Variants in ITGA1 observed in about 807,000 individuals in gnomAD.
The protein encoded by ITGA1 is integrin subunit alpha 1.
Under a neutral mutation model 145.9 loss-of-function variants are expected in ITGA1, and 85 were observed. The ratio of observed to expected loss-of-function variants is 0.58; its 90% confidence interval spans 0.49 to 0.70. The LOEUF (loss-of-function observed/expected upper bound fraction) is 0.70, where lower values mean the gene tolerates loss of function less well. ITGA1 is among the 30% of genes least tolerant of loss of function. The pLI, the probability that ITGA1 is intolerant of heterozygous loss-of-function variation, is 0.00. For missense variants in ITGA1, 1,351 were observed against 1,418.7 expected (o/e 0.95, Z 0.77); for synonymous variants, 520 against 495.3 (o/e 1.05, Z -0.66).
intron 12 of ITGA1, among the ~76,000 whole-genome samples, chr5:52,907,934 T>G (rs1419494219): frequency 6.6e-6 from 1 of 152,236 alleles, no homozygotes; most frequent in Non-Finnish European, 1.5e-5. Flanking sequence ...CAGTGTCTTT[T>G]GCCCACATGC....
chr5:52,851,077 G>A (rs924241818), intron 2 of ITGA1, among the ~76,000 whole-genome samples: 2 of 152,162 alleles, frequency 1.3e-5, no homozygotes, highest in African/African-American at 4.8e-5. Flanking sequence ...TTTTAAAGAG[G>A]AGTATAGCAA....
chr5:52,801,613 T>C (rs1420002562), intron 1 of ITGA1: 1 of 1,613,770 alleles, frequency 6.2e-7, no homozygotes, highest in Non-Finnish European at 8.5e-7. Flanking sequence ...AATTGACACA[T>C]TGCTCATCAG....
At chr5:52,860,347 A>G (rs1366236896) in intron 2 of ITGA1, among the ~76,000 whole-genome samples, 1 of 152,150 alleles carries the variant, frequency 6.6e-6, no homozygotes, top group African/African-American at 2.4e-5. Context: ...AGAGACCGAG[A>G]CTATCCTGGC....
chr5:52,925,879 A>G (rs1198466455), intron 19 of ITGA1, among the ~76,000 whole-genome samples: 1 of 152,182 alleles, frequency 6.6e-6, no homozygotes, highest in African/African-American at 2.4e-5. Context: ...AAGATACCAT[A>G]TCTCCCTTTC....
intron 28 of ITGA1, among the ~76,000 whole-genome samples, chr5:52,951,910 G>A (rs934183852): frequency 2.0e-5 from 3 of 152,138 alleles, no homozygotes; most frequent in African/African-American, 7.2e-5. Flanking sequence ...ATGAAACCGC[G>A]GCCCGGCGCG....
At chr5:52,874,090 C>G (rs1449829851) in intron 6 of ITGA1, among the ~76,000 whole-genome samples, 1 of 151,230 alleles carries the variant, frequency 6.6e-6, no homozygotes, top group African/African-American at 2.4e-5. Context: ...GATTATTTAG[C>G]TCATGATTCT....
In ITGA1 at chr5:52,802,146, A is replaced by G. The variant is rs532128061; in HGVS notation, c.61+13732A>G. The G allele has an allele frequency of 4.0e-5, 10 of 250,672 alleles. No homozygotes were observed. The South Asian group carries it at 6.2e-4, about 15-fold the overall frequency. The allele number at this position is 250,672 out of a possible 1,614,324, so 15.5% of individuals were successfully genotyped here. A position where few individuals can be genotyped will look rare whatever the true frequency, so the allele number is the denominator to read the frequency against. On this transcript the variant is annotated intron_variant, in intron 1 of 28. Transcript: ENST00000282588. ...TATTTAAAGACGATGCCTATGCAGTATATTGTTTGGGATAGATTGCAAAAT... is the reference window on the plus strand; with the variant it reads ...TATTTAAAGACGATGCCTATGCAGTGTATTGTTTGGGATAGATTGCAAAAT...
chr5:52,933,846 A>C, intron 22 of ITGA1, 48 bp from the exon 23 acceptor site: 1 of 953,576 alleles, frequency 1.0e-6, no homozygotes, highest in Non-Finnish European at 1.6e-6. Flanking sequence ...GGCCAAATAA[A>C]AGTTAAACTT....
At chr5:52,934,585 T>A (rs1750938233) in intron 23 of ITGA1, among the ~76,000 whole-genome samples, 1 of 151,892 alleles carries the variant, frequency 6.6e-6, no homozygotes, top group African/African-American at 2.4e-5. Context: ...TCCTTTTAAA[T>A]CCTTCATAAC....
chr5:52,821,028 G>A (rs1748871588), intron 1 of ITGA1, among the ~76,000 whole-genome samples: 1 of 152,116 alleles, frequency 6.6e-6, no homozygotes, highest in South Asian at 2.1e-4. Context: ...GTGTGTGTAT[G>A]TGCATGTGTT....
chr5:52,931,829 G>A, intron 21 of ITGA1: 1 of 401,282 alleles, frequency 2.5e-6, no homozygotes. Flanking sequence ...CAGTGTGATT[G>A]TCAAGTCTAG....
intron 1 of ITGA1, among the ~76,000 whole-genome samples, chr5:52,813,737 C>G (rs188415658): frequency 1.3e-5 from 2 of 152,314 alleles, no homozygotes; most frequent in East Asian, 3.9e-4. Flanking sequence ...AGCAGGATAA[C>G]GGACTATTCT....
At chr5:52,847,074 C>T (rs1053181257) in intron 1 of ITGA1, among the ~76,000 whole-genome samples, 1 of 151,898 alleles carries the variant, frequency 6.6e-6, no homozygotes, top group Non-Finnish European at 1.5e-5. Context: ...TAGGAATTTT[C>T]CAATTTGGGG....
intron 14 of ITGA1, among the ~76,000 whole-genome samples, chr5:52,911,496 A>C (rs1374403535): frequency 1.1e-4 from 14 of 129,114 alleles, no homozygotes; most frequent in African/African-American, 2.5e-4. Context: ...TATAGTATAT[A>C]TAGTAGATAC....
At position 52,950,908 on chromosome 5, in the gene ITGA1, T is replaced by C. The variant is rs146841406; in HGVS notation, c.3496-1499T>C. ...TGCAGGCACAAGTTAAGAAGCCTAA[T>C]GGTTTGTGAATCTGGAACTTTTATA... On this transcript the variant is annotated intron_variant, in intron 28 of 28. Coordinates refer to ENST00000282588, the MANE Select transcript of ITGA1 (RefSeq NM_181501.2). 4.1e-3 allele frequency among the ~76,000 whole-genome samples: 620 copies of C among 152,284 alleles called. 5 individuals carry two copies. The highest frequency in any genetic ancestry group is 0.014 in the African/African-American group (578 of 41,576).
At position 52,937,930 on chromosome 5, in the gene ITGA1, T is replaced by C. The variant is rs532139095; in HGVS notation, c.3078+416T>C. Among the ~76,000 whole-genome samples, 76 of 151,650 alleles carry C rather than the reference T, an allele frequency of 5.0e-4. 1 individual carries two copies. In the South Asian group the frequency reaches 0.016, roughly 32 times the overall value. ...TGTCTTCACCTGGCCTTCTCTGTGTTTCTATGTGTTCTCCTTCTCTCTTTG... is the reference window on the plus strand; with the variant it reads ...TGTCTTCACCTGGCCTTCTCTGTGTCTCTATGTGTTCTCCTTCTCTCTTTG... On this transcript the variant is annotated intron_variant, in intron 24 of 28. Coordinates refer to ENST00000282588, the MANE Select transcript of ITGA1 (RefSeq NM_181501.2).
At chr5:52,919,457 G>A (rs767069057) in intron 16 of ITGA1, among the ~76,000 whole-genome samples, 49 of 152,022 alleles carry the variant, frequency 3.2e-4, no homozygotes, top group Non-Finnish European at 5.7e-4. Flanking sequence ...TCCTCCCTCC[G>A]TTCTCCACTT....
intron 1 of ITGA1, among the ~76,000 whole-genome samples, chr5:52,832,871 T>C (rs1485232197): frequency 2.0e-5 from 3 of 151,716 alleles, no homozygotes; most frequent in Non-Finnish European, 4.4e-5. Flanking sequence ...GGTTACTTTT[T>C]TATTTCATTT....
chr5:52,856,859 G>T (rs1226533481), intron 2 of ITGA1, among the ~76,000 whole-genome samples: 1 of 152,078 alleles, frequency 6.6e-6, no homozygotes, highest in African/African-American at 2.4e-5. Flanking sequence ...TTCCCCTATT[G>T]CCTGGGCTCA....
Sources: allele counts gnomAD v4.1 joint callset (sites outside exome capture counted in the v4.1 genomes callset), GRCh38; gene constraint gnomAD v4.1.1; transcripts MANE v1.5; gene names NCBI Gene and HGNC (gene_info 2026-07-23, HGNC 2026-07-21).